Variants in CXCL12 observed in about 807,000 individuals in gnomAD.
CXCL12 encodes C-X-C motif chemokine ligand 12.
Under a neutral mutation model 10.7 loss-of-function variants are expected in CXCL12, and 4 were observed. The ratio of observed to expected loss-of-function variants is 0.37; its 90% CI spans 0.18 to 0.86. The LOEUF is 0.86. CXCL12 is among the 40% of genes least tolerant of loss of function. The pLI, the probability that CXCL12 is intolerant of heterozygous loss-of-function variation, is 0.43. For missense variants in CXCL12, 122 were observed against 110.4 expected, an observed-to-expected ratio of 1.10 and a Z score of -0.47; for synonymous variants, 54 against 45.4, an observed-to-expected ratio of 1.19 and a Z score of -0.77.
At chr10:44,372,974 GCTCCCTCAGCCCAGT>G (rs1839351348), downstream of CXCL12, 1 of 1,535,802 alleles carries the variant, frequency 6.5e-7, no homozygotes, top group Non-Finnish European at 8.7e-7. Context: ...ATGGGGCCAG[GCTCCCTCAGCCCAGT>G]CTCCCCACCT....
chr10:44,373,423 CG>C, downstream of CXCL12: 1 of 1,285,282 alleles, frequency 7.8e-7, no homozygotes, highest in Non-Finnish European at 1.1e-6. Context: ...CAGCGGCCTG[CG>C]CGGAGGCCCT....
downstream of CXCL12, among the ~76,000 whole-genome samples, chr10:44,376,560 T>C (rs897666686): frequency 6.6e-6 from 1 of 152,232 alleles, no homozygotes; most frequent in African/African-American, 2.4e-5. Context: ...TAGACGCCTG[T>C]GAACACTCCT....
At chr10:44,383,558 G>T (rs186957086) in intron 1 of CXCL12, among the ~76,000 whole-genome samples, 7 of 119,620 alleles carry the variant, frequency 5.9e-5, no homozygotes, top group African/African-American at 2.2e-4. Context: ...AGACCTTACA[G>T]GAACAGAAGA....
At chr10:44,375,317 C>A (rs539784578), downstream of CXCL12, among the ~76,000 whole-genome samples, 22 of 152,366 alleles carry the variant, frequency 1.4e-4, no homozygotes, top group South Asian at 4.6e-3. Context: ...CTCCCACAAC[C>A]CAGGAAGGAG....
At chr10:44,373,313 A>C (rs1248179654), downstream of CXCL12, 1 of 1,606,588 alleles carries the variant, frequency 6.2e-7, no homozygotes, top group Non-Finnish European at 8.5e-7. Context: ...AGGGTTCCTC[A>C]GGCGTCTGAC....
rs1168901022 is a variant in CXCL12 at position 44,377,937 on chromosome 10, G to A, written c.*696C>T. The stretch of plus-strand genomic sequence containing the variant: ...AAATGAGAAGCAGAAGCAAGATTAA[G>A]CATGCTCTCGGAGTCGGGGAGAGAG... On this transcript the variant is annotated 3_prime_UTR_variant, in exon 3 of 3. Coordinates refer to ENST00000343575, the MANE Select transcript of CXCL12 (RefSeq NM_199168.4). 3 of 1,537,984 alleles carry A rather than the reference G, an allele frequency of 2.0e-6. No individual in the cohort carries two copies. The highest frequency in any genetic ancestry group is 1.7e-6 in the Non-Finnish European group (2 of 1,150,130).
chr10:44,381,137 G>A (rs1839620458), intron 1 of CXCL12, among the ~76,000 whole-genome samples: 1 of 152,182 alleles, frequency 6.6e-6, no homozygotes, highest in Admixed American at 6.5e-5. Context: ...TGAGGCGGGA[G>A]TTTAAATTAG....
At position 44,377,783 on chromosome 10, in the gene CXCL12, G is replaced by C; in HGVS notation, c.*850C>G. The stretch of plus-strand genomic sequence containing the variant: ...CCCAGGAGAGGGCCAGCTCCATTCT[G>C]GAGGAGGCCAAAGACGGATCTCACA... On this transcript the variant is annotated 3_prime_UTR_variant, in exon 3 of 3. Coordinates refer to ENST00000343575, the MANE Select transcript of CXCL12 (RefSeq NM_199168.4). The C allele has an allele frequency of 1.3e-6, 2 of 1,598,288 alleles. No individual in the cohort carries two copies. The highest frequency in any genetic ancestry group is 8.5e-7 in the Non-Finnish European group (1 of 1,179,782).
In CXCL12 at chr10:44,377,948, G is replaced by A. The variant is rs1327881574; in HGVS notation, c.*685C>T. On this transcript the variant is annotated 3_prime_UTR_variant, in exon 3 of 3. Transcript: ENST00000343575. The stretch of plus-strand genomic sequence containing the variant: ...AGAAGCAAGATTAAGCATGCTCTCG[G>A]AGTCGGGGAGAGAGTAGGAATAGCT... The A allele has an allele frequency of 2.6e-6, 4 of 1,529,542 alleles. No individual in the cohort carries two copies. In the East Asian group the frequency reaches 9.8e-5, roughly 37 times the overall value. 94.7% of individuals were successfully genotyped at this position (1,529,542 alleles called of 1,614,324 possible). A position where few individuals can be genotyped will look rare whatever the true frequency, so the allele number is the denominator to read the frequency against.
intron 1 of CXCL12, among the ~76,000 whole-genome samples, chr10:44,382,323 G>A (rs1409707080): frequency 1.3e-5 from 2 of 152,210 alleles, no homozygotes; most frequent in Non-Finnish European, 2.9e-5. Flanking sequence ...GATCACCTGG[G>A]AAAGCCACCC....
Position 44,377,784 on chromosome 10 carries a change from G to T in CXCL12, c.*849C>A. On this transcript the variant is annotated 3_prime_UTR_variant, in exon 3 of 3. Coordinates refer to ENST00000343575, the MANE Select transcript of CXCL12 (RefSeq NM_199168.4). Reference sequence around the variant, plus strand: ...CCAGGAGAGGGCCAGCTCCATTCTGGAGGAGGCCAAAGACGGATCTCACAG... The same window carrying T: ...CCAGGAGAGGGCCAGCTCCATTCTGTAGGAGGCCAAAGACGGATCTCACAG... The T allele has an allele frequency of 1.1e-5, 17 of 1,598,266 alleles. No homozygotes were observed. Among genetic ancestry groups the T allele is most frequent in the Non-Finnish European group, 1.4e-5 (17 of 1,179,780 alleles).
At position 44,385,021 on chromosome 10, in the gene CXCL12, G is replaced by A; in HGVS notation, c.-16C>T. 15 of 1,448,852 alleles carry A rather than the reference G, an allele frequency of 1.0e-5. No homozygotes were observed. The highest frequency in any genetic ancestry group is 2.3e-5 in the Admixed American group (1 of 43,634). The allele number at this position is 1,448,852 out of a possible 1,614,324, so 89.7% of individuals were successfully genotyped here. On this transcript the variant is annotated 5_prime_UTR_variant, in exon 1 of 3. Coordinates refer to ENST00000343575, the MANE Select transcript of CXCL12 (RefSeq NM_199168.4). ...TGGCGTTCATGGCGCGGGCGGGCGGGCGGGCGGGCGGACGAGCGCGGGTCG... is the reference window on the plus strand; with the variant it reads ...TGGCGTTCATGGCGCGGGCGGGCGGACGGGCGGGCGGACGAGCGCGGGTCG...
At chr10:44,372,281 C>G (rs1343812075), downstream of CXCL12, 1 of 153,390 alleles carries the variant, frequency 6.5e-6, no homozygotes, top group East Asian at 1.9e-4. Context: ...TGGGGTCAAC[C>G]CTGGTGCACA....
exon 4 of CXCL12, chr10:44,370,183 T>C (rs1839282006): frequency 6.6e-6 from 1 of 152,210 alleles, no homozygotes; most frequent in African/African-American, 2.4e-5. Flanking sequence ...AGTACAGAAC[T>C]TTATTAGGAA....
intron 2 of CXCL12, among the ~76,000 whole-genome samples, chr10:44,379,260 G>A (rs535747342): frequency 1.8e-4 from 28 of 152,054 alleles, no homozygotes; most frequent in African/African-American, 6.0e-4. Context: ...CGGTCTGACC[G>A]GGAGGGTGAC....
Position 44,377,222 on chromosome 10 carries a change from A to G in CXCL12, c.*1411T>C. ...ACAAGTGAAAAAATACACTGTGGCT[A>G]ACATTGAAAAGCTGCAATCACATTT... On this transcript the variant is annotated 3_prime_UTR_variant, in exon 3 of 3. Coordinates refer to ENST00000343575, the MANE Select transcript of CXCL12 (RefSeq NM_199168.4). The G allele has an allele frequency of 1.0e-6, 1 of 987,634 alleles. No individual in the cohort carries two copies. Among genetic ancestry groups the G allele is most frequent in the Non-Finnish European group, 1.2e-6 (1 of 831,384 alleles). The allele number at this position is 987,634 out of a possible 1,614,324, so 61.2% of individuals were successfully genotyped here.
intron 1 of CXCL12, 100 bp downstream of exon 1, chr10:44,384,845 C>T (rs1839749204): frequency 8.3e-7 from 1 of 1,208,554 alleles, no homozygotes; most frequent in Admixed American, 2.3e-5. Context: ...CTGTGTCGGG[C>T]GGCGCAAACT....
downstream of CXCL12, chr10:44,371,097 C>T (rs181801383): frequency 4.5e-6 from 1 of 223,458 alleles, no homozygotes; most frequent in South Asian, 4.9e-5. Context: ...ATTCGGATTA[C>T]AAGAGACTTT....
intron 1 of CXCL12, among the ~76,000 whole-genome samples, chr10:44,383,334 C>T (rs1470461447): frequency 6.6e-6 from 1 of 152,184 alleles, no homozygotes; most frequent in East Asian, 1.9e-4. Flanking sequence ...CTCTGAGGGC[C>T]ATGTCACCCT....
Sources: gnomAD v4.1 joint callset for allele counts (sites outside exome capture counted in the v4.1 genomes callset) on GRCh38, gnomAD v4.1.1 for gene constraint, MANE v1.5 for transcripts, NCBI Gene and HGNC (gene_info 2026-07-23, HGNC 2026-07-21) for gene names.